Variants in PARVA observed in about 807,000 individuals in gnomAD.
PARVA encodes the protein parvin alpha.
In PARVA, 25 loss-of-function variants were observed where a neutral mutation model predicts 52.6. That is an observed-to-expected ratio of 0.48 (90% confidence interval 0.35 to 0.66). The LOEUF (loss-of-function observed/expected upper bound fraction) is 0.66. PARVA is among the 30% of genes least tolerant of loss of function. The probability of loss-of-function intolerance (pLI) is 0.01; values close to 1 mark genes in which losing one functional copy is unlikely to be tolerated. For missense variants in PARVA, 373 were observed against 450.9 expected (o/e 0.83, Z 1.56); for synonymous variants, 185 against 179.1 (o/e 1.03, Z -0.26).
intron 1 of PARVA, among the ~76,000 whole-genome samples, chr11:12,428,832 T>TA (rs1450330710): frequency 4.6e-5 from 7 of 152,330 alleles, no homozygotes; most frequent in Admixed American, 3.3e-4. Flanking sequence ...TTTAAAATGT[T>TA]ATAAATTGAA....
At chr11:12,441,165 T>C (rs1307972401) in intron 1 of PARVA, among the ~76,000 whole-genome samples, 1 of 152,122 alleles carries the variant, frequency 6.6e-6, no homozygotes, top group East Asian at 1.9e-4. Context: ...GCCCCAGCCT[T>C]GGGGGTGGAG....
At chr11:12,437,385 A>G (rs534670779) in intron 1 of PARVA, among the ~76,000 whole-genome samples, 28 of 152,276 alleles carry the variant, frequency 1.8e-4, no homozygotes, top group African/African-American at 6.5e-4. Context: ...CCAGCCTCCT[A>G]AGCCTCCTAT....
chr11:12,452,571 C>T (rs1940638063), intron 1 of PARVA, among the ~76,000 whole-genome samples: 2 of 152,178 alleles, frequency 1.3e-5, no homozygotes, highest in Non-Finnish European at 2.9e-5. Context: ...GACCTTGAGT[C>T]TGTGAGTCAG....
intron 5 of PARVA, among the ~76,000 whole-genome samples, chr11:12,499,957 ATTTAC>A (rs1194094519): frequency 6.6e-6 from 1 of 152,108 alleles, no homozygotes; most frequent in Non-Finnish European, 1.5e-5. Context: ...ATCTACCATA[ATTTAC>A]TTAACTGATA....
At chr11:12,491,928 T>G (rs1272884736) in intron 4 of PARVA, among the ~76,000 whole-genome samples, 1 of 152,190 alleles carries the variant, frequency 6.6e-6, no homozygotes, top group Non-Finnish European at 1.5e-5. Context: ...ACTATGCCCA[T>G]AAAGCAAATC....
At chr11:12,518,696 G>A (rs770149858) in intron 12 of PARVA, among the ~76,000 whole-genome samples, 179 bp downstream of exon 12, 3 of 152,174 alleles carry the variant, frequency 2.0e-5, no homozygotes. Context: ...GCACAGCCAG[G>A]GGAAGAAAAG....
intron 4 of PARVA, among the ~76,000 whole-genome samples, chr11:12,481,279 T>G (rs560861140): frequency 1.3e-5 from 2 of 152,338 alleles, no homozygotes; most frequent in African/African-American, 4.8e-5. Context: ...CATTTCTATT[T>G]ATTTATATCA....
At chr11:12,465,504 C>T (rs1418650944) in intron 1 of PARVA, among the ~76,000 whole-genome samples, 1 of 152,206 alleles carries the variant, frequency 6.6e-6, no homozygotes, top group Non-Finnish European at 1.5e-5. Flanking sequence ...ATACAGAACA[C>T]TTTCACTGCC....
At chr11:12,458,970 C>G (rs2135021261) in intron 1 of PARVA, among the ~76,000 whole-genome samples, 1 of 152,292 alleles carries the variant, frequency 6.6e-6, no homozygotes, top group East Asian at 1.9e-4. Context: ...CTTTGTTCTT[C>G]TTTCCTTTCC....
Position 12,533,984 on chromosome 11 carries a change from T to C in PARVA, c.*6059T>C, listed in dbSNP as rs923623667. 3.9e-5 allele frequency among the ~76,000 whole-genome samples: 6 copies of C among 152,162 alleles called. No homozygotes were observed. Among genetic ancestry groups the C allele is most frequent in the Non-Finnish European group, 7.4e-5 (5 of 68,012 alleles). The stretch of plus-strand genomic sequence containing the variant: ...GAGATTGAGACTATCCTGGCTAATA[T>C]GGTGAAACCCCGTCTGTACTAAAAA... On this transcript the variant is annotated 3_prime_UTR_variant, in exon 13 of 13. Transcript: ENST00000334956.
chr11:12,429,630 C>T (rs1214340372), intron 1 of PARVA, among the ~76,000 whole-genome samples: 1 of 152,192 alleles, frequency 6.6e-6, no homozygotes, highest in East Asian at 1.9e-4. Flanking sequence ...GGAATTTCAT[C>T]AGTCCACTAA....
At chr11:12,478,266 T>A in intron 4 of PARVA, 2 of 406,742 alleles carry the variant, frequency 4.9e-6, no homozygotes, top group South Asian at 4.2e-5. Context: ...CAGAAAAGCA[T>A]GCCTGTGTGG....
chr11:12,414,526 A>T (rs376588578), intron 1 of PARVA, among the ~76,000 whole-genome samples: 1 of 152,230 alleles, frequency 6.6e-6, no homozygotes, highest in Non-Finnish European at 1.5e-5. Flanking sequence ...AGGAGTTATA[A>T]GGTTAAATGA....
intron 6 of PARVA, among the ~76,000 whole-genome samples, chr11:12,507,472 G>A (rs1027858271): frequency 6.6e-6 from 1 of 152,096 alleles, no homozygotes; most frequent in Non-Finnish European, 1.5e-5. Flanking sequence ...CTCCAAACTG[G>A]CACTCAGAGC....
intron 1 of PARVA, among the ~76,000 whole-genome samples, chr11:12,400,821 A>G (rs1172352207): frequency 2.0e-5 from 3 of 152,162 alleles, no homozygotes; most frequent in African/African-American, 7.2e-5. Flanking sequence ...AATCTGGGTT[A>G]TTTTGGGAAC....
chr11:12,478,001 A>G lies in PARVA; in HGVS notation c.400+52A>G, dbSNP rs1317045367. ...TGTGTGTTTAATTGCAGGTGGTTGGATCACCTACTTGTAGCTAGAAGGAGT... is the reference window on the plus strand; with the variant it reads ...TGTGTGTTTAATTGCAGGTGGTTGGGTCACCTACTTGTAGCTAGAAGGAGT... On this transcript the variant is annotated intron_variant, in intron 4 of 12. Transcript: ENST00000334956. The G allele has an allele frequency of 4.2e-6, 4 of 961,538 alleles. No homozygotes were observed. The South Asian group carries it at 5.1e-5, about 12-fold the overall frequency. The allele number at this position is 961,538 out of a possible 1,614,324, so 59.6% of individuals were successfully genotyped here. A position where few individuals can be genotyped will look rare whatever the true frequency, so the allele number is the denominator to read the frequency against.
At chr11:12,394,619 G>A (rs774623921) in intron 1 of PARVA, among the ~76,000 whole-genome samples, 1 of 152,180 alleles carries the variant, frequency 6.6e-6, no homozygotes, top group African/African-American at 2.4e-5. Context: ...GTAGAATGGT[G>A]GTGGGTATGT....
chr11:12,522,630 G>A (rs1554903729), intron 12 of PARVA, among the ~76,000 whole-genome samples: 2 of 151,934 alleles, frequency 1.3e-5, no homozygotes, highest in Non-Finnish European at 2.9e-5. Flanking sequence ...TGTTGGCCAG[G>A]CTGGTCTTGA....
chr11:12,504,266 A>G, intron 5 of PARVA, 48 bp from the exon 6 acceptor site: 4 of 1,081,400 alleles, frequency 3.7e-6, no homozygotes, highest in Non-Finnish European at 5.7e-6. Flanking sequence ...TATATTGCCT[A>G]GAACCTGGAA....
Sources: allele counts gnomAD v4.1 joint callset (sites outside exome capture counted in the v4.1 genomes callset), GRCh38; gene constraint gnomAD v4.1.1; transcripts MANE v1.5; gene names NCBI Gene and HGNC (gene_info 2026-07-23, HGNC 2026-07-21).